The following MTHFD1L variants were observed in gnomAD, a reference collection of about 807,000 sequenced individuals.
MTHFD1L encodes methylenetetrahydrofolate dehydrogenase (NADP+ dependent) 1 like.
In MTHFD1L, 81 loss-of-function variants were observed where a neutral mutation model predicts 119.5. The observed-to-expected ratio is 0.68, with a 90% CI of 0.57 to 0.82. The LOEUF is 0.82. Among genes scored for constraint, MTHFD1L ranks in the 40% least tolerant of loss-of-function variants. The pLI is 0.00. For synonymous variants in MTHFD1L, 430 were observed against 475.2 expected, an observed-to-expected ratio of 0.90 and a Z score of 1.24; for missense variants, 1,125 against 1,253.4, an observed-to-expected ratio of 0.90 and a Z score of 1.55.
chr6:151,071,286 C>T (rs757766425), intron 26 of MTHFD1L, among the ~76,000 whole-genome samples: 1 of 151,912 alleles, frequency 6.6e-6, no homozygotes, highest in African/African-American at 2.4e-5. Context: ...CCTAATAAGC[C>T]GGGAGATAAG....
chr6:150,993,388 T>G (rs568515453), intron 20 of MTHFD1L, among the ~76,000 whole-genome samples: 6 of 152,176 alleles, frequency 3.9e-5, no homozygotes, highest in African/African-American at 1.4e-4. Flanking sequence ...TGATGTGATC[T>G]CGGCGCACCA....
At chr6:151,045,070 G>A (rs1787770113) in intron 26 of MTHFD1L, among the ~76,000 whole-genome samples, 1 of 152,130 alleles carries the variant, frequency 6.6e-6, no homozygotes, top group Non-Finnish European at 1.5e-5. Context: ...TCAGTGGGGA[G>A]GTGTTTCCTC....
Position 150,922,307 on chromosome 6 carries a change from C to T in MTHFD1L, c.1082+5C>T. 6.2e-7 allele frequency: 1 copy of T among 1,612,438 alleles called. No homozygotes were observed. The highest frequency in any genetic ancestry group is 8.5e-7 in the Non-Finnish European group (1 of 1,178,564). On this transcript the variant is annotated splice_donor_5th_base_variant and intron_variant, in intron 10 of 27. Transcript: ENST00000367321. The stretch of plus-strand genomic sequence containing the variant: ...GCCTCTCTCCCCTGTGCCAAGGTAA[C>T]ACTGGTGTTTTATTTACACTGATGT...
At chr6:151,024,770 G>A (rs147569794) in intron 24 of MTHFD1L, among the ~76,000 whole-genome samples, 43 of 152,210 alleles carry the variant, frequency 2.8e-4, no homozygotes, top group African/African-American at 7.2e-4. Flanking sequence ...TGGAGGTTGC[G>A]GTGAGCCAAG....
At chr6:151,041,486 C>CT (rs1413874691) in intron 26 of MTHFD1L, among the ~76,000 whole-genome samples, 1 of 152,184 alleles carries the variant, frequency 6.6e-6, no homozygotes, top group African/African-American at 2.4e-5. Context: ...CCAATGTGCA[C>CT]TTATTAGGGT....
rs1175789555 is a variant in MTHFD1L, at chr6:151,098,034, C to T, written c.*32-3492C>T. 3.9e-5 allele frequency among the ~76,000 whole-genome samples: 6 copies of T among 151,956 alleles called. No homozygotes were observed. The South Asian group carries it at 6.3e-4, about 16-fold the overall frequency. On this transcript the variant is annotated intron_variant, in intron 27 of 27. Coordinates refer to ENST00000367321, the MANE Select transcript of MTHFD1L (RefSeq NM_015440.5). ...ACTAAAAATAGAAAAATTAGCCAGGCGTCATGGCACGCACCTGTAATCTCA... is the reference window on the plus strand; with the variant it reads ...ACTAAAAATAGAAAAATTAGCCAGGTGTCATGGCACGCACCTGTAATCTCA...
intron 19 of MTHFD1L, among the ~76,000 whole-genome samples, chr6:150,970,381 C>T (rs759438207): frequency 6.6e-5 from 10 of 152,176 alleles, no homozygotes; most frequent in African/African-American, 9.7e-5. Context: ...ACTTCACATG[C>T]GAGAGCACAC....
intron 17 of MTHFD1L, among the ~76,000 whole-genome samples, chr6:150,956,878 A>G (rs1795721557): frequency 6.6e-6 from 1 of 152,042 alleles, no homozygotes; most frequent in Admixed American, 6.6e-5. Context: ...AGAGAAACTT[A>G]AGTTCGTGGA....
chr6:150,876,170 T>C lies in MTHFD1L; in HGVS notation c.308T>C (p.Ile103Thr). 1 of 1,588,562 alleles carries C rather than the reference T, an allele frequency of 6.3e-7. No individual in the cohort carries two copies. Among genetic ancestry groups the C allele is most frequent in the Non-Finnish European group, 8.6e-7 (1 of 1,168,304 alleles). Residue 103 changes from isoleucine to threonine, a missense_variant, in exon 2 of 28, where the codon ATC (isoleucine) becomes ACC (threonine). By Grantham distance (89) the Ile-to-Thr change is moderately conservative. Coordinates refer to ENST00000367321, the MANE Select transcript of MTHFD1L (RefSeq NM_015440.5). ...NPAFKPVLAI[I>T]QAGDDNLMQE... Reference sequence around the variant, plus strand: ...GCCTTCAAGCCGGTTCTTGCAATTATCCAGGTAAGCCGAGAACAAGGTTCA... The same window carrying C: ...GCCTTCAAGCCGGTTCTTGCAATTACCCAGGTAAGCCGAGAACAAGGTTCA...
intron 26 of MTHFD1L, among the ~76,000 whole-genome samples, chr6:151,045,338 C>T (rs1201260436): frequency 6.6e-6 from 1 of 152,178 alleles, no homozygotes; most frequent in Admixed American, 6.5e-5. Context: ...CGCCACTCCC[C>T]CCAGCAGGTC....
rs564362211 is a variant in MTHFD1L, at chr6:150,899,673, TA to T, written c.781-5969del. Among the ~76,000 whole-genome samples the T allele has an allele frequency of 1.4e-3, 216 of 152,132 alleles. 1 individual carries two copies. The highest frequency in any genetic ancestry group is 4.6e-3 in the African/African-American group (193 of 41,508). On this transcript the variant is annotated intron_variant, in intron 7 of 27. Coordinates refer to ENST00000367321, the MANE Select transcript of MTHFD1L (RefSeq NM_015440.5). ...AAATACAAAGTTAGACATTCAGAGT[TA>T]AAAAAAATTAATGCATAGGCTGGGT...
chr6:150,911,037 T>C (rs1022288286), intron 8 of MTHFD1L, among the ~76,000 whole-genome samples: 1 of 152,234 alleles, frequency 6.6e-6, no homozygotes, highest in African/African-American at 2.4e-5. Flanking sequence ...ATCACTGTTT[T>C]CTTTTATTTA....
chr6:150,868,954 A>G (rs1054581713), intron 1 of MTHFD1L, among the ~76,000 whole-genome samples: 1 of 152,164 alleles, frequency 6.6e-6, no homozygotes, highest in Non-Finnish European at 1.5e-5. Context: ...CCAGCTACTC[A>G]GAAGGCTGAG....
rs910912381 is a variant in MTHFD1L, at chr6:151,021,231, A to G, written c.2586+5538A>G. On this transcript the variant is annotated intron_variant, in intron 24 of 27. Transcript: ENST00000367321. The stretch of plus-strand genomic sequence containing the variant: ...GTGAGACCCAAATGAAATGCCCCAG[A>G]GTAAAATGCTGGAACATAGAAAGCA... 1.5e-3 allele frequency among the ~76,000 whole-genome samples: 227 copies of G among 152,256 alleles called. 1 individual carries two copies. The highest frequency in any genetic ancestry group is 2.8e-4 in the Non-Finnish European group (19 of 68,014).
At chr6:150,909,863 A>G (rs1786560506) in intron 8 of MTHFD1L, among the ~76,000 whole-genome samples, 2 of 152,152 alleles carry the variant, frequency 1.3e-5, no homozygotes, top group Admixed American at 6.5e-5. Context: ...TTTCTCTCGT[A>G]TGGCTCTGAA....
chr6:150,913,229 C>T (rs1002381385), intron 8 of MTHFD1L, among the ~76,000 whole-genome samples: 3 of 151,926 alleles, frequency 2.0e-5, no homozygotes, highest in South Asian at 2.1e-4. Flanking sequence ...GGCATGAGCT[C>T]GGCTCACTGC....
At chr6:151,087,297 T>A (rs1306318647) in intron 26 of MTHFD1L, among the ~76,000 whole-genome samples, 1 of 146,822 alleles carries the variant, frequency 6.8e-6, no homozygotes, top group Non-Finnish European at 1.5e-5. Context: ...AAATAAATAA[T>A]AAAATTGTGA....
intron 19 of MTHFD1L, among the ~76,000 whole-genome samples, chr6:150,969,644 A>G (rs979960629): frequency 1.3e-5 from 2 of 152,240 alleles, no homozygotes; most frequent in African/African-American, 4.8e-5. Flanking sequence ...ATGAAGGTAC[A>G]TAGACAAGTT....
At chr6:150,946,790 A>G (rs1377631795) in intron 15 of MTHFD1L, among the ~76,000 whole-genome samples, 1 of 151,784 alleles carries the variant, frequency 6.6e-6, no homozygotes, top group East Asian at 2.0e-4. Context: ...AAAAATCACT[A>G]TTTTGCCAGG....
Sources: allele counts gnomAD v4.1 joint callset (sites outside exome capture counted in the v4.1 genomes callset), GRCh38; gene constraint gnomAD v4.1.1; transcripts MANE v1.5; gene names NCBI Gene and HGNC (gene_info 2026-07-23, HGNC 2026-07-21).